Variants in INSC observed in about 807,000 individuals in gnomAD.
The protein encoded by INSC is INSC spindle orientation adaptor protein.
INSC carries 67 observed loss-of-function variants against 58.6 expected under a neutral mutation model. The ratio of observed to expected loss-of-function variants is 1.14; its 90% CI spans 0.94 to 1.40. INSC has a LOEUF of 1.40. Among genes scored for constraint, INSC ranks in the 40% most tolerant of loss-of-function variants. The probability of loss-of-function intolerance (pLI) is 0.00; values close to 1 mark genes in which losing one functional copy is unlikely to be tolerated. For missense variants in INSC, 714 were observed against 692.0 expected (o/e 1.03, Z -0.36); for synonymous variants, 262 against 276.1 (o/e 0.95, Z 0.51).
At chr11:15,180,253 G>C (rs149147238) in intron 5 of INSC, among the ~76,000 whole-genome samples, 2 of 151,852 alleles carry the variant, frequency 1.3e-5, no homozygotes, top group South Asian at 2.1e-4. Flanking sequence ...GTGAGACTCC[G>C]TCTCAAAAAA....
the INSC span, among the ~76,000 whole-genome samples, chr11:15,264,405 A>C: frequency 6.9e-6 from 1 of 145,786 alleles, no homozygotes; most frequent in Non-Finnish European, 1.5e-5. Flanking sequence ...TGGATACTCC[A>C]AGGTACTCTT....
rs753589356 is a variant in INSC at position 15,178,385 on chromosome 11, C to T, written c.517C>T (p.Leu173=). The change falls in exon 5 of 13, where the codon CTG becomes TTG. Residue 173 remains leucine, a synonymous_variant. Transcript: ENST00000379556. ...KSMKACVSET[L]SMLGQHFGQL... ...AATGAAGGCCTGCGTGAGTGAGACC[C>T]TGAGCATGCTGGGCCAGCACTTTGG... 3 of 1,613,760 alleles carry T rather than the reference C, an allele frequency of 1.9e-6. No individual in the cohort carries two copies. The South Asian group carries it at 3.3e-5, about 18-fold the overall frequency.
chr11:15,255,368 G>T, the INSC span, among the ~76,000 whole-genome samples: 1 of 152,080 alleles, frequency 6.6e-6, no homozygotes, highest in Non-Finnish European at 1.5e-5. Flanking sequence ...ATAGGCATGA[G>T]AATAAAATAT....
At chr11:15,260,598 A>T in the INSC span, among the ~76,000 whole-genome samples, 1 of 152,210 alleles carries the variant, frequency 6.6e-6, no homozygotes. Context: ...AGAGCCTAGT[A>T]CCTTGAAGGT....
At chr11:15,249,831 C>A (rs914610007), downstream of INSC, among the ~76,000 whole-genome samples, 6 of 152,224 alleles carry the variant, frequency 3.9e-5, no homozygotes, top group Non-Finnish European at 8.8e-5. Flanking sequence ...AACTACTATA[C>A]TGGGCAGGGC....
At chr11:15,132,966 G>C (rs886084392) in intron 1 of INSC, among the ~76,000 whole-genome samples, 1 of 152,076 alleles carries the variant, frequency 6.6e-6, no homozygotes, top group African/African-American at 2.4e-5. Context: ...GTTGTCTAGG[G>C]TGTGTATGTA....
Position 15,221,550 on chromosome 11 carries a change from C to A in INSC, c.893C>A (p.Ala298Glu), listed in dbSNP as rs190828164. 3 of 1,613,932 alleles carry A rather than the reference C, an allele frequency of 1.9e-6. No homozygotes were observed. The highest frequency in any genetic ancestry group is 1.7e-6 in the Non-Finnish European group (2 of 1,179,982). The change falls in exon 8 of 13, where the codon GCG (alanine) becomes GAG (glutamate). Residue 298 changes from alanine to glutamate, a missense_variant. Coordinates refer to ENST00000379556, the MANE Select transcript of INSC (RefSeq NM_001042536.3). ...TCAGAGGCCACACGGGCTGAGGCTG[C>A]GGCTGTGGTGGCCCAGGTCACCTCC... is the stretch of plus-strand genomic sequence containing the variant. ...SHSEATRAEA[A>E]AVVAQVTSPH...
chr11:15,204,926 T>C (rs5004266), intron 7 of INSC, among the ~76,000 whole-genome samples: 41,787 of 152,116 alleles, frequency 0.27, 6,537 homozygotes, highest in East Asian at 0.73. Flanking sequence ...AGCGGAGTTG[T>C]GGGTCTAGAC....
chr11:15,119,509 G>C (rs989757770), intron 1 of INSC, among the ~76,000 whole-genome samples: 13 of 152,200 alleles, frequency 8.5e-5, no homozygotes, highest in African/African-American at 3.1e-4. Context: ...GACTCTGTTT[G>C]GTGTGATGCA....
chr11:15,115,958 T>C, intron 1 of INSC, among the ~76,000 whole-genome samples: 1 of 152,164 alleles, frequency 6.6e-6, no homozygotes, highest in East Asian at 1.9e-4. Context: ...ATTATACCTC[T>C]GACAATGGGT....
At chr11:15,128,163 C>T (rs1848043476) in intron 1 of INSC, among the ~76,000 whole-genome samples, 2 of 151,948 alleles carry the variant, frequency 1.3e-5, no homozygotes, top group Admixed American at 1.3e-4. Flanking sequence ...GTATAACATT[C>T]CAGATCTCTT....
chr11:15,197,300 A>G (rs954322385), intron 6 of INSC, among the ~76,000 whole-genome samples: 1 of 152,318 alleles, frequency 6.6e-6, no homozygotes, highest in South Asian at 2.1e-4. Flanking sequence ...GAGGACTTCC[A>G]TCTTTCCAGC....
intron 1 of INSC, among the ~76,000 whole-genome samples, chr11:15,130,032 C>T (rs1848089946): frequency 6.6e-6 from 1 of 152,214 alleles, no homozygotes; most frequent in African/African-American, 2.4e-5. Flanking sequence ...TGTGGAAAAC[C>T]ACGTCAGCTG....
chr11:15,214,018 G>C (rs1260533796), intron 7 of INSC, among the ~76,000 whole-genome samples: 1 of 152,122 alleles, frequency 6.6e-6, no homozygotes, highest in Non-Finnish European at 1.5e-5. Flanking sequence ...CCTGAACCTT[G>C]TCCCTATCTG....
intron 9 of INSC, among the ~76,000 whole-genome samples, chr11:15,229,943 TA>T (rs1361931010): frequency 2.3e-3 from 12 of 5,110 alleles, no homozygotes; most frequent in East Asian, 8.5e-3. Context: ...TATATATATA[TA>T]ATATTATATA....
chr11:15,180,773 G>T (rs1849751801), intron 5 of INSC, among the ~76,000 whole-genome samples: 1 of 151,652 alleles, frequency 6.6e-6, no homozygotes, highest in African/African-American at 2.4e-5. Flanking sequence ...CCCATTCCTG[G>T]TGCTTTCCCC....
intron 2 of INSC, among the ~76,000 whole-genome samples, chr11:15,161,271 G>A (rs1378323129): frequency 6.6e-6 from 1 of 152,228 alleles, no homozygotes; most frequent in Non-Finnish European, 1.5e-5. Context: ...GACCCCTGGA[G>A]TTATACCATA....
intron 1 of INSC, among the ~76,000 whole-genome samples, chr11:15,145,979 C>T (rs887090165): frequency 4.6e-5 from 7 of 152,232 alleles, no homozygotes; most frequent in African/African-American, 1.2e-4. Context: ...CTTCAATCAT[C>T]AAACCTGGAT....
intron 8 of INSC, among the ~76,000 whole-genome samples, chr11:15,224,982 T>C (rs1851578221): frequency 6.6e-6 from 1 of 152,190 alleles, no homozygotes. Flanking sequence ...AGTCTCTCTG[T>C]TTCACCTTTA....
Sources: allele counts gnomAD v4.1 joint callset (sites outside exome capture counted in the v4.1 genomes callset), GRCh38; gene constraint gnomAD v4.1.1; transcripts MANE v1.5; gene names NCBI Gene and HGNC (gene_info 2026-07-23, HGNC 2026-07-21).